The following PHLDB2 variants were observed in gnomAD, a reference collection of about 807,000 sequenced individuals.
PHLDB2 encodes the protein pleckstrin homology like domain family B member 2.
In PHLDB2, 71 loss-of-function variants were observed where a neutral mutation model predicts 123.6. The ratio of observed to expected loss-of-function variants is 0.57; its 90% CI spans 0.47 to 0.70. The LOEUF (loss-of-function observed/expected upper bound fraction) is 0.70, where lower values mean the gene tolerates loss of function less well. Among genes scored for constraint, PHLDB2 ranks in the 30% least tolerant of loss-of-function variants. PHLDB2 has a pLI of 0.00. For missense variants in PHLDB2, 1,446 were observed against 1,519.5 expected (o/e 0.95, Z 0.80); for synonymous variants, 547 against 541.6 (o/e 1.01, Z -0.14).
At chr3:111,823,284 A>G (rs993052437) in intron 1 of PHLDB2, among the ~76,000 whole-genome samples, 5 of 152,234 alleles carry the variant, frequency 3.3e-5, no homozygotes, top group African/African-American at 1.2e-4. Context: ...AATAATTTGC[A>G]TATACCCCAA....
intron 1 of PHLDB2, among the ~76,000 whole-genome samples, chr3:111,835,894 TTAGCCTTGAAAAGCACA>T (rs1168755340): frequency 6.6e-6 from 1 of 152,144 alleles, no homozygotes; most frequent in Non-Finnish European, 1.5e-5. Flanking sequence ...CTTTTAGAGC[TTAGCCTTGAAAAGCACA>T]TAGCATAGCA....
chr3:111,756,355 A>G (rs2059888852), intron 1 of PHLDB2, among the ~76,000 whole-genome samples: 1 of 152,128 alleles, frequency 6.6e-6, no homozygotes, highest in Admixed American at 6.5e-5. Context: ...GGGTGCATAT[A>G]TATTTAGGAT....
At chr3:111,926,084 T>A (rs2068799740) in intron 5 of PHLDB2, among the ~76,000 whole-genome samples, 1 of 152,242 alleles carries the variant, frequency 6.6e-6, no homozygotes, top group African/African-American at 2.4e-5. Flanking sequence ...TGCATTGTTA[T>A]ATTTTGTAGC....
chr3:111,890,575 A>C (rs1233527352), intron 2 of PHLDB2, among the ~76,000 whole-genome samples: 2 of 152,266 alleles, frequency 1.3e-5, no homozygotes, highest in East Asian at 3.8e-4. Flanking sequence ...ATTAATGAGG[A>C]AACCAGGTGG....
rs140142624 is a variant in PHLDB2 at position 111,913,733 on chromosome 3, T to A, written c.1719+31T>A. Reference sequence around the variant, plus strand: ...GTTGGCCCAGCAAAGATACTAGGATTTAAGGTCTAGGGCTGTGCATATGCT... The same window carrying A: ...GTTGGCCCAGCAAAGATACTAGGATATAAGGTCTAGGGCTGTGCATATGCT... On this transcript the variant is annotated intron_variant, in intron 3 of 17. Transcript: ENST00000431670. 3.1e-3 allele frequency: 4,954 copies of A among 1,573,216 alleles called. 7 individuals are homozygous for A. The highest frequency in any genetic ancestry group is 4.0e-3 in the Non-Finnish European group (4,615 of 1,149,748).
rs760487330 is a variant in PHLDB2, at chr3:111,913,375, C to A, written c.1392C>A (p.Asp464Glu). The A allele has an allele frequency of 3.7e-6, 6 of 1,613,622 alleles. No homozygotes were observed. The Admixed American group carries it at 1.0e-4, about 27-fold the overall frequency. Residue 464 changes from aspartate (D) to glutamate (E), a missense_variant, in exon 3 of 18, where the codon GAC (aspartate) becomes GAA (glutamate). This residue lies in a region of PHLDB2 where 832 missense variants were observed against 831.9 expected (regional missense o/e 1.00). Coordinates refer to ENST00000431670, the MANE Select transcript of PHLDB2 (RefSeq NM_001134438.2). Reference protein sequence around the residue: ...LSLCAEYTKPDSRLSTGTTVE... With the variant: ...LSLCAEYTKPESRLSTGTTVE... ...TCTGTGCTGAATACACAAAGCCTGA[C>A]AGTCGCTTATCTACTGGGACCACCG...
intron 1 of PHLDB2, 130 bp downstream of exon 1, chr3:111,859,706 G>A: frequency 1.0e-6 from 1 of 985,444 alleles, no homozygotes; most frequent in Non-Finnish European, 1.2e-6. Context: ...GGAGGGTTGG[G>A]GGCGGAGAGG....
intron 13 of PHLDB2, among the ~76,000 whole-genome samples, chr3:111,964,819 G>C (rs929784544): frequency 4.6e-5 from 7 of 151,948 alleles, no homozygotes; most frequent in African/African-American, 1.7e-4. Context: ...AATAAACATT[G>C]ACTATATGAA....
At chr3:111,840,011 G>T (rs2063611234) in intron 1 of PHLDB2, among the ~76,000 whole-genome samples, 1 of 145,652 alleles carries the variant, frequency 6.9e-6, no homozygotes, top group South Asian at 2.2e-4. Flanking sequence ...ACTTCGGGAG[G>T]CTGAGGCAGC....
rs753762885 is a variant in PHLDB2, at chr3:111,884,729, G to T, written c.652G>T (p.Ala218Ser). ...ARKMSIQDSL[A>S]LQPKLTRHKE... ...GAAAATGAGCATTCAGGACAGCCTG[G>T]CGCTTCAACCCAAGTTAACTAGACA... is the stretch of plus-strand genomic sequence containing the variant. Residue 218 changes from alanine to serine, a missense_variant, in exon 2 of 18, where the codon GCG becomes TCG. Coordinates refer to ENST00000431670, the MANE Select transcript of PHLDB2 (RefSeq NM_001134438.2). 3.5e-5 allele frequency: 56 copies of T among 1,613,954 alleles called. No individual in the cohort carries two copies. Among genetic ancestry groups the T allele is most frequent in the Non-Finnish European group, 4.7e-5 (55 of 1,180,030 alleles).
At chr3:111,829,706 C>T (rs945250714) in intron 1 of PHLDB2, among the ~76,000 whole-genome samples, 7 of 152,018 alleles carry the variant, frequency 4.6e-5, no homozygotes, top group African/African-American at 1.4e-4. Context: ...TGGTGATCCG[C>T]CCGCCTTGGC....
At chr3:111,944,465 T>C (rs2070149042) in intron 8 of PHLDB2, among the ~76,000 whole-genome samples, 1 of 152,082 alleles carries the variant, frequency 6.6e-6, no homozygotes. Context: ...AAATGTTGCT[T>C]AATACCAAAT....
intron 1 of PHLDB2, among the ~76,000 whole-genome samples, chr3:111,873,413 G>A (rs1478202008): frequency 6.6e-6 from 1 of 152,144 alleles, no homozygotes; most frequent in African/African-American, 2.4e-5. Flanking sequence ...ATTTTAGTCA[G>A]GTGGTTAAGT....
chr3:111,799,174 A>G (rs1450707073), intron 1 of PHLDB2, among the ~76,000 whole-genome samples: 2 of 152,220 alleles, frequency 1.3e-5, no homozygotes, highest in East Asian at 1.9e-4. Flanking sequence ...GGTCCCTCCC[A>G]TGACACCTAG....
chr3:111,907,885 C>G (rs1357326619), intron 2 of PHLDB2, among the ~76,000 whole-genome samples: 1 of 152,150 alleles, frequency 6.6e-6, no homozygotes, highest in Non-Finnish European at 1.5e-5. Flanking sequence ...CAACCTCCGC[C>G]TCCTGGACTC....
intron 16 of PHLDB2, among the ~76,000 whole-genome samples, chr3:111,971,174 A>G (rs1253526659): frequency 6.6e-6 from 1 of 152,240 alleles, no homozygotes; most frequent in East Asian, 1.9e-4. Flanking sequence ...ATGTCTGCAC[A>G]CTGCATAAAC....
chr3:111,860,004 T>G (rs1196907912), intron 1 of PHLDB2: 2 of 595,782 alleles, frequency 3.4e-6, no homozygotes, highest in Non-Finnish European at 4.2e-6. Flanking sequence ...AACCCCGTTG[T>G]GCATGACTCT....
intron 1 of PHLDB2, among the ~76,000 whole-genome samples, chr3:111,767,781 C>A (rs1424884800): frequency 6.6e-6 from 1 of 152,160 alleles, no homozygotes; most frequent in East Asian, 1.9e-4. Context: ...GTTTTACTGG[C>A]AATGGAAAAT....
intron 5 of PHLDB2, among the ~76,000 whole-genome samples, chr3:111,922,078 AT>A (rs768544853): frequency 2.0e-5 from 3 of 152,228 alleles, no homozygotes; most frequent in Non-Finnish European, 4.4e-5. Flanking sequence ...TTAATATTTT[AT>A]TATCAAGTAA....
Sources: gnomAD v4.1 joint callset for allele counts (sites outside exome capture counted in the v4.1 genomes callset) on GRCh38, gnomAD v4.1.1 for gene constraint, gnomAD v4.1.1 regional missense constraint, MANE v1.5 for transcripts, NCBI Gene and HGNC (gene_info 2026-07-23, HGNC 2026-07-21) for gene names.